CTNNBIP1: variants seen among roughly 807,000 people sequenced by gnomAD.
The protein encoded by CTNNBIP1 is beta-catenin-interacting protein 1.
In CTNNBIP1, 7 loss-of-function variants were observed where a neutral mutation model predicts 11.8. The ratio of observed to expected loss-of-function variants is 0.60; its 90% confidence interval spans 0.34 to 1.12. CTNNBIP1 has a LOEUF of 1.12. Among genes scored for constraint, CTNNBIP1 ranks in the 50% most tolerant of loss-of-function variants. CTNNBIP1 has a pLI of 0.03. For synonymous variants in CTNNBIP1, 58 were observed against 43.9 expected, an observed-to-expected ratio of 1.32 and a Z score of -1.26; for missense variants, 101 against 113.4, an observed-to-expected ratio of 0.89 and a Z score of 0.50.
chr1:9,857,129 A>C (rs1466338460), intron 5 of CTNNBIP1, among the ~76,000 whole-genome samples: 1 of 150,834 alleles, frequency 6.6e-6, no homozygotes, highest in African/African-American at 2.4e-5. Flanking sequence ...CTCAAAAACA[A>C]AACAAAACAA....
intron 1 of CTNNBIP1, among the ~76,000 whole-genome samples, chr1:9,897,251 G>A (rs1459693209): frequency 4.0e-5 from 6 of 151,516 alleles, no homozygotes; most frequent in Admixed American, 1.3e-4. Context: ...TCAGGAGATC[G>A]AGACCATCCT....
chr1:9,878,311 A>G (rs1200958472), intron 2 of CTNNBIP1: 1 of 152,280 alleles, frequency 6.6e-6, no homozygotes, highest in Non-Finnish European at 1.5e-5. Flanking sequence ...CGCTGTGTTC[A>G]GAGACACTGT....
At chr1:9,884,116 G>A (rs1027638313) in intron 1 of CTNNBIP1, among the ~76,000 whole-genome samples, 1 of 152,122 alleles carries the variant, frequency 6.6e-6, no homozygotes, top group Non-Finnish European at 1.5e-5. Context: ...TGGGCCTGTA[G>A]GCAGAGCCGG....
chr1:9,874,275 C>T (rs1638920653), intron 3 of CTNNBIP1, among the ~76,000 whole-genome samples: 1 of 152,160 alleles, frequency 6.6e-6, no homozygotes, highest in Non-Finnish European at 1.5e-5. Context: ...CCTAGGGAAG[C>T]CTTCCCTGGC....
At chr1:9,888,069 C>T (rs949341377) in intron 1 of CTNNBIP1, among the ~76,000 whole-genome samples, 28 of 151,948 alleles carry the variant, frequency 1.8e-4, no homozygotes, top group South Asian at 1.5e-3. Flanking sequence ...AGTGATCCAC[C>T]TGCCTCAGCC....
intron 1 of CTNNBIP1, among the ~76,000 whole-genome samples, chr1:9,905,288 A>G (rs1260771692): frequency 6.6e-6 from 1 of 152,142 alleles, no homozygotes; most frequent in African/African-American, 2.4e-5. Context: ...CTCTCTGTCC[A>G]CAAAGCTGTC....
chr1:9,857,455 C>T (rs1638530921), intron 5 of CTNNBIP1, among the ~76,000 whole-genome samples: 1 of 146,868 alleles, frequency 6.8e-6, no homozygotes. Context: ...AGCACCGCTG[C>T]ACTCCAGCCT....
At chr1:9,855,128 A>G (rs1482612653) in intron 5 of CTNNBIP1, among the ~76,000 whole-genome samples, 1 of 152,256 alleles carries the variant, frequency 6.6e-6, no homozygotes, top group African/African-American at 2.4e-5. Flanking sequence ...AATCATAATA[A>G]AACACTTAGG....
Position 9,867,501 on chromosome 1 carries a change from A to G in CTNNBIP1, c.187+3686T>C, listed in dbSNP as rs1275195630. Among the ~76,000 whole-genome samples, 1 of 152,174 alleles carries G rather than the reference A, an allele frequency of 6.6e-6. No homozygotes were observed. Among genetic ancestry groups the G allele is most frequent in the Admixed American group, 6.5e-5 (1 of 15,282 alleles). ...TGGAGGGGAAGCATGTGCAGGGCTAAAGGTGGCGGCCAGACCCTCAGGACC... is the reference window on the plus strand; with the variant it reads ...TGGAGGGGAAGCATGTGCAGGGCTAGAGGTGGCGGCCAGACCCTCAGGACC... On this transcript the variant is annotated intron_variant, in intron 5 of 5. Transcript: ENST00000377263. This position sits in a 1 kb window ranked among gnomAD's most constrained non-coding sequence, Gnocchi z 4.6.
intron 1 of CTNNBIP1, among the ~76,000 whole-genome samples, chr1:9,889,559 T>A (rs1639256321): frequency 6.6e-6 from 1 of 152,162 alleles, no homozygotes; most frequent in Admixed American, 6.5e-5. Context: ...GCCTCACAGA[T>A]GTTCTCTGCT....
intron 5 of CTNNBIP1, among the ~76,000 whole-genome samples, chr1:9,860,559 G>A (rs1413142239): frequency 2.1e-5 from 3 of 144,442 alleles, no homozygotes; most frequent in Admixed American, 7.0e-5. Flanking sequence ...GCAGTGAGCC[G>A]AGATCACACC....
At chr1:9,888,886 G>C (rs184220329) in intron 1 of CTNNBIP1, among the ~76,000 whole-genome samples, 1 of 152,192 alleles carries the variant, frequency 6.6e-6, no homozygotes, top group Non-Finnish European at 1.5e-5. Flanking sequence ...AAGGTTCTGG[G>C]AGCATTTAAA....
At chr1:9,864,243 C>T (rs943284919) in intron 5 of CTNNBIP1, among the ~76,000 whole-genome samples, 1 of 152,342 alleles carries the variant, frequency 6.6e-6, no homozygotes, top group South Asian at 2.1e-4. Context: ...CCAGGAGGCC[C>T]CCAGGCAGAG....
At chr1:9,860,693 C>T (rs975079580) in intron 5 of CTNNBIP1, among the ~76,000 whole-genome samples, 1 of 151,594 alleles carries the variant, frequency 6.6e-6, no homozygotes, top group African/African-American at 2.4e-5. Flanking sequence ...GCCCTGGGGA[C>T]AGGGAGCTTC....
chr1:9,903,532 G>A (rs1639561211), intron 1 of CTNNBIP1, among the ~76,000 whole-genome samples: 1 of 152,192 alleles, frequency 6.6e-6, no homozygotes. Context: ...AGGCTTCATG[G>A]AAGACCAGAG....
chr1:9,901,419 G>A (rs895046906), intron 1 of CTNNBIP1, among the ~76,000 whole-genome samples: 4 of 152,174 alleles, frequency 2.6e-5, no homozygotes, highest in South Asian at 2.1e-4. Flanking sequence ...TGAGGTGTTT[G>A]ATCCACAAGG....
chr1:9,871,892 C>T lies in CTNNBIP1; in HGVS notation c.96+77G>A. Reference sequence around the variant, plus strand: ...AGGAGGCAGCCGCAGTGGCTCCACCCTCCAATAGCCCAGCAGGGCCCCTCC... The same window carrying T: ...AGGAGGCAGCCGCAGTGGCTCCACCTTCCAATAGCCCAGCAGGGCCCCTCC... On this transcript the variant is annotated intron_variant, in intron 4 of 5. Coordinates refer to ENST00000377263, the MANE Select transcript of CTNNBIP1 (RefSeq NM_020248.3). This position sits in a 1 kb window ranked among gnomAD's most constrained non-coding sequence, Gnocchi z 5.2. The T allele has an allele frequency of 1.5e-6, 2 of 1,316,266 alleles. No individual in the cohort carries two copies. The highest frequency in any genetic ancestry group is 2.3e-5 in the East Asian group (1 of 43,338). 81.5% of individuals were successfully genotyped at this position (1,316,266 alleles called of 1,614,324 possible). A position where few individuals can be genotyped will look rare whatever the true frequency, so the allele number is the denominator to read the frequency against.
At chr1:9,874,323 G>A (rs1424615066) in intron 3 of CTNNBIP1, among the ~76,000 whole-genome samples, 1 of 152,012 alleles carries the variant, frequency 6.6e-6, no homozygotes, top group African/African-American at 2.4e-5. Context: ...GGTATGATCA[G>A]AACTCACTGC....
chr1:9,896,974 C>CAA (rs527731512), intron 1 of CTNNBIP1, among the ~76,000 whole-genome samples: 15 of 132,156 alleles, frequency 1.1e-4, no homozygotes, highest in South Asian at 4.8e-4. Context: ...CTCAAACAAA[C>CAA]AAAAAAAAAA....
Sources: gnomAD v4.1 joint callset for allele counts (sites outside exome capture counted in the v4.1 genomes callset) on GRCh38, gnomAD v4.1.1 for gene constraint, Gnocchi (gnomAD v3.1) non-coding constraint, MANE v1.5 for transcripts, NCBI Gene and HGNC (gene_info 2026-07-23, HGNC 2026-07-21) for gene names.